The following CDKL4 variants were observed in gnomAD, a reference collection of about 807,000 sequenced individuals.
CDKL4 encodes the protein cyclin-dependent kinase-like 4.
CDKL4 carries 44 observed loss-of-function variants against 42.0 expected under a neutral mutation model. The observed-to-expected ratio is 1.05, with a 90% CI of 0.82 to 1.35. The LOEUF is 1.35. CDKL4 is among the 40% of genes most tolerant of loss of function. The probability of loss-of-function intolerance (pLI) is 0.00; values close to 1 mark genes in which losing one functional copy is unlikely to be tolerated. For missense variants in CDKL4, 393 were observed against 369.9 expected, an observed-to-expected ratio of 1.06 and a Z score of -0.51; for synonymous variants, 120 against 121.6, an observed-to-expected ratio of 0.99 and a Z score of 0.09.
At chr2:39,185,825 A>G (rs559943631) in intron 7 of CDKL4, among the ~76,000 whole-genome samples, 69 of 152,322 alleles carry the variant, frequency 4.5e-4, no homozygotes, top group African/African-American at 1.6e-3. Context: ...TCTGAAATAC[A>G]TAAAACTGAA....
chr2:39,168,144 T>G, the CDKL4 span, among the ~76,000 whole-genome samples: 5 of 152,204 alleles, frequency 3.3e-5, no homozygotes, highest in East Asian at 9.6e-4. Flanking sequence ...AAAACTAAAA[T>G]TGCTTTTAGT....
downstream of CDKL4, among the ~76,000 whole-genome samples, chr2:39,172,989 A>T (rs906561431): frequency 6.6e-6 from 1 of 152,186 alleles, no homozygotes; most frequent in Non-Finnish European, 1.5e-5. Flanking sequence ...GATTTGTCTG[A>T]GGAAAAAAAA....
At chr2:39,191,783 C>A (rs1370806350) in intron 5 of CDKL4, among the ~76,000 whole-genome samples, 1 of 152,176 alleles carries the variant, frequency 6.6e-6, no homozygotes, top group Non-Finnish European at 1.5e-5. Context: ...AAGGCACCTG[C>A]CTCCAAGTGG....
intron 1 of CDKL4, among the ~76,000 whole-genome samples, chr2:39,234,155 C>T (rs1381458796): frequency 6.6e-6 from 1 of 152,046 alleles, no homozygotes; most frequent in African/African-American, 2.4e-5. Context: ...CCTCATGATC[C>T]ACCTGCCTTG....
At chr2:39,235,734 AGAGT>A (rs1679334735) in intron 1 of CDKL4, among the ~76,000 whole-genome samples, 1 of 152,232 alleles carries the variant, frequency 6.6e-6, no homozygotes, top group Non-Finnish European at 1.5e-5. Flanking sequence ...GCTTGTAGAC[AGAGT>A]GAGACCTTGT....
At chr2:39,245,428 G>A (rs1679871565), upstream of CDKL4, among the ~76,000 whole-genome samples, 1 of 152,040 alleles carries the variant, frequency 6.6e-6, no homozygotes, top group Admixed American at 6.6e-5. Flanking sequence ...AACTCCAGAC[G>A]CGCCAGCTTA....
At chr2:39,210,478 T>C (rs952664032) in intron 4 of CDKL4, among the ~76,000 whole-genome samples, 55 of 152,278 alleles carry the variant, frequency 3.6e-4, no homozygotes, top group African/African-American at 1.2e-3. Context: ...GACTGACTGA[T>C]TGACTCATCC....
chr2:39,186,416 G>A (rs1189393490), intron 7 of CDKL4, among the ~76,000 whole-genome samples: 1 of 152,184 alleles, frequency 6.6e-6, no homozygotes, highest in Non-Finnish European at 1.5e-5. Flanking sequence ...CATAGTTGGA[G>A]TGTGGACACA....
chr2:39,200,208 G>T (rs922666182), intron 5 of CDKL4, among the ~76,000 whole-genome samples: 4 of 151,980 alleles, frequency 2.6e-5, no homozygotes, highest in African/African-American at 9.7e-5. Context: ...ACCAAGCTGA[G>T]AATCAAACCA....
intron 8 of CDKL4, among the ~76,000 whole-genome samples, chr2:39,180,801 A>G (rs1675397313): frequency 1.4e-5 from 2 of 147,984 alleles, no homozygotes; most frequent in South Asian, 2.1e-4. Flanking sequence ...AGCGATTCTC[A>G]TGCCTCAGCC....
chr2:39,198,391 T>C (rs925549452), intron 5 of CDKL4, among the ~76,000 whole-genome samples: 2 of 152,070 alleles, frequency 1.3e-5, no homozygotes, highest in Non-Finnish European at 2.9e-5. Flanking sequence ...ACAATAATAG[T>C]GGAGGACTTC....
downstream of CDKL4, among the ~76,000 whole-genome samples, chr2:39,172,017 A>C (rs1019683916): frequency 6.6e-6 from 1 of 152,196 alleles, no homozygotes; most frequent in African/African-American, 2.4e-5. Flanking sequence ...AAGATAAAAA[A>C]TGCATTACAC....
At chr2:39,179,196 T>G (rs1313749771) in exon 9 of CDKL4, 1 of 1,602,530 alleles carries the variant, frequency 6.2e-7, no homozygotes, top group Non-Finnish European at 8.5e-7. Flanking sequence ...CCTGTTGGCG[T>G]CTTCTGTTTC....
chr2:39,225,004 T>C (rs1438382280), intron 3 of CDKL4, among the ~76,000 whole-genome samples: 2 of 152,230 alleles, frequency 1.3e-5, no homozygotes, highest in African/African-American at 2.4e-5. Context: ...TCTTATTACA[T>C]TACATTGGCT....
At chr2:39,206,251 T>C (rs1677181179) in intron 4 of CDKL4, among the ~76,000 whole-genome samples, 2 of 152,122 alleles carry the variant, frequency 1.3e-5, no homozygotes, top group African/African-American at 4.8e-5. Context: ...CGGCTAATTT[T>C]GTATTTTTAG....
intron 1 of CDKL4, among the ~76,000 whole-genome samples, chr2:39,234,415 T>C (rs1679250502): frequency 6.6e-6 from 1 of 151,854 alleles, no homozygotes; most frequent in Non-Finnish European, 1.5e-5. Flanking sequence ...ACAGTAATTA[T>C]GAGAATTAAA....
exon 3 of CDKL4, chr2:39,225,878 T>C (rs1189414153): frequency 3.1e-6 from 5 of 1,611,714 alleles, no homozygotes; most frequent in East Asian, 4.5e-5. Flanking sequence ...AAGTGTATGA[T>C]CACAGTATTC....
intron 4 of CDKL4, among the ~76,000 whole-genome samples, chr2:39,208,472 C>T (rs763197057): frequency 1.6e-4 from 25 of 151,934 alleles, no homozygotes; most frequent in Non-Finnish European, 3.5e-4. Flanking sequence ...TCCTGAGTTG[C>T]TGGGATTACA....
At chr2:39,196,828 G>T (rs1001194491) in intron 5 of CDKL4, among the ~76,000 whole-genome samples, 1 of 152,100 alleles carries the variant, frequency 6.6e-6, no homozygotes, top group Non-Finnish European at 1.5e-5. Flanking sequence ...GGCTGGTCTC[G>T]AACTCCTGAC....
Sources: allele counts gnomAD v4.1 joint callset (sites outside exome capture counted in the v4.1 genomes callset), GRCh38; gene constraint gnomAD v4.1.1; transcripts MANE v1.5; gene names NCBI Gene and HGNC (gene_info 2026-07-23, HGNC 2026-07-21).